FLT4: variants seen among roughly 807,000 people sequenced by gnomAD.
FLT4 encodes vascular endothelial growth factor receptor 3.
FLT4 carries 30 observed loss-of-function variants against 163.2 expected under a neutral mutation model. That is an observed-to-expected ratio of 0.18 (90% CI 0.14 to 0.25). FLT4 has a LOEUF of 0.25. Among genes scored for constraint, FLT4 ranks in the 10% least tolerant of loss-of-function variants. The pLI is 1.00. For missense variants in FLT4, 1,510 were observed against 1,863.8 expected, an observed-to-expected ratio of 0.81 and a Z score of 3.50; for synonymous variants, 884 against 789.5, an observed-to-expected ratio of 1.12 and a Z score of -2.01.
At chr5:180,622,276 G>A (rs1438471932) in intron 12 of FLT4, among the ~76,000 whole-genome samples, 1 of 125,324 alleles carries the variant, frequency 8.0e-6, no homozygotes, top group Non-Finnish European at 1.7e-5. Context: ...CTCTGCTGGT[G>A]CCCTGATCTA....
In FLT4 at chr5:180,611,253, G is replaced by A. The variant is rs536858606; in HGVS notation, c.3686+78C>T. On this transcript the variant is annotated intron_variant, in intron 27 of 29. Transcript: ENST00000261937. ...GACGTCGCATGATTTGCTTTTCCCC[G>A]ATGACGCAGAGGGATAAAATGCACC... The A allele has an allele frequency of 8.2e-5, 118 of 1,436,520 alleles. No homozygotes were observed. In the African/African-American group the frequency reaches 1.4e-3, roughly 17 times the overall value. 89.0% of individuals were successfully genotyped at this position (1,436,520 alleles called of 1,614,324 possible). A position where few individuals can be genotyped will look rare whatever the true frequency, so the allele number is the denominator to read the frequency against.
At position 180,621,156 on chromosome 5, in the gene FLT4, G is replaced by T. The variant is rs747033940; in HGVS notation, c.2117C>A (p.Ala706Glu). 2.5e-6 allele frequency: 4 copies of T among 1,612,704 alleles called. No individual in the cohort carries two copies. The highest frequency in any genetic ancestry group is 2.2e-5 in the South Asian group (2 of 91,088). Residue 706 changes from alanine (A) to glutamate (E), a missense_variant, in exon 14 of 30, where the codon GCG (alanine) becomes GAG (glutamate). Around this residue, in one of 5 missense-constraint regions of FLT4, gnomAD observed 878 missense variants for 1,016.7 expected, o/e 0.86. Transcript: ENST00000261937. Reference protein sequence around the residue: ...EMQCLVAGAHAPSIVWYKDER... With the variant: ...EMQCLVAGAHEPSIVWYKDER... ...GTCTTTGTACCACACGATGCTGGGC[G>T]CGTGCGCTCCGGCCACCAAGCACTG... is the stretch of plus-strand genomic sequence containing the variant.
chr5:180,620,532 T>C lies in FLT4; in HGVS notation c.2406+77A>G. ...TGCCAGGTGAACTAGGGCGGGCACC[T>C]TATTCTTTATCTTAGGGGCGGCCAG... On this transcript the variant is annotated intron_variant, in intron 16 of 29. Coordinates refer to ENST00000261937, the MANE Select transcript of FLT4 (RefSeq NM_182925.5). The surrounding 1 kb of genome is among the most constrained non-coding windows in gnomAD (Gnocchi z 4.4). 1.5e-6 allele frequency: 2 copies of C among 1,296,578 alleles called. No individual in the cohort carries two copies. Among genetic ancestry groups the C allele is most frequent in the East Asian group, 2.4e-5 (1 of 42,316 alleles). 80.3% of individuals were successfully genotyped at this position (1,296,578 alleles called of 1,614,324 possible). A position where few individuals can be genotyped will look rare whatever the true frequency, so the allele number is the denominator to read the frequency against.
At chr5:180,606,076 C>T (rs935634899) in intron 29 of FLT4, among the ~76,000 whole-genome samples, 2 of 152,238 alleles carry the variant, frequency 1.3e-5, no homozygotes, top group African/African-American at 4.8e-5. Context: ...ATGCACCCGC[C>T]AGAGACCTGT....
intron 1 of FLT4, among the ~76,000 whole-genome samples, chr5:180,640,137 G>A (rs1764995475): frequency 6.6e-6 from 1 of 152,200 alleles, no homozygotes; most frequent in Non-Finnish European, 1.5e-5. Flanking sequence ...GGGCAGTGCT[G>A]GCACCCCTCC....
Position 180,614,530 on chromosome 5 carries a change from T to C in FLT4, c.3220-351A>G, listed in dbSNP as rs566297798. Among the ~76,000 whole-genome samples the C allele has an allele frequency of 9.9e-4, 150 of 152,060 alleles. 1 individual carries two copies. The highest frequency in any genetic ancestry group is 3.4e-3 in the African/African-American group (143 of 41,474). Reference sequence around the variant, plus strand: ...TGATGAAACGCACCCCTGCACACTCTCACCATCTCCCCTGACAAGCACGCT... The same window carrying C: ...TGATGAAACGCACCCCTGCACACTCCCACCATCTCCCCTGACAAGCACGCT... On this transcript the variant is annotated intron_variant, in intron 23 of 29. Coordinates refer to ENST00000261937, the MANE Select transcript of FLT4 (RefSeq NM_182925.5).
chr5:180,624,549 C>T (rs1189176619), intron 10 of FLT4, among the ~76,000 whole-genome samples: 1 of 152,156 alleles, frequency 6.6e-6, no homozygotes, highest in Non-Finnish European at 1.5e-5. Context: ...CTCTGTCTCC[C>T]ACCCTTCAGG....
chr5:180,629,581 G>C (rs78894531), intron 6 of FLT4, 115 bp downstream of exon 6: 69,110 of 1,459,080 alleles, frequency 0.047, 1,831 homozygotes, highest in Admixed American at 0.085. Flanking sequence ...CACTCAGACC[G>C]GGGCCCCTGG....
Position 180,616,427 on chromosome 5 carries a change from G to A in FLT4, c.3159C>T (p.Ile1053=), listed in dbSNP as rs1479823778. The change falls in exon 23 of 30, where the codon ATC becomes ATT. Residue 1053 remains isoleucine (I), a synonymous_variant. Coordinates refer to ENST00000261937, the MANE Select transcript of FLT4 (RefSeq NM_182925.5). ...ILLSESDVVK[I]CDFGLARDIY... ...TGTCCCGGGCAAGGCCAAAGTCACA[G>A]ATCTTCACCACGTCGCTTTCCGACA... The A allele has an allele frequency of 1.2e-6, 2 of 1,613,918 alleles. No individual in the cohort carries two copies. Among genetic ancestry groups the A allele is most frequent in the African/African-American group, 2.7e-5 (2 of 74,944 alleles).
At position 180,625,966 on chromosome 5, in the gene FLT4, C is replaced by A. The variant is rs1203012909; in HGVS notation, c.1324G>T (p.Ala442Ser). Residue 442 changes from alanine (A) to serine (S), a missense_variant, in exon 10 of 30, where the codon GCC (alanine) becomes TCC (serine). Ala to Ser is a moderately conservative substitution (Grantham distance 99). Transcript: ENST00000261937. ...ACCCCGTAGGCCGTGCAGGTGAGGG[C>A]CTGGCGGCTGTGACGCGAGTAGATG... Reference protein sequence around the residue: ...PSIYSRHSRQALTCTAYGVPL... With the variant: ...PSIYSRHSRQSLTCTAYGVPL... The A allele has an allele frequency of 1.2e-6, 2 of 1,612,792 alleles. No individual in the cohort carries two copies. Among genetic ancestry groups the A allele is most frequent in the African/African-American group, 1.3e-5 (1 of 75,042 alleles).
At chr5:180,608,471 C>T (rs115255997) in intron 29 of FLT4, among the ~76,000 whole-genome samples, 3,799 of 152,262 alleles carry the variant, frequency 0.025, 169 homozygotes, top group African/African-American at 0.086. Flanking sequence ...CAGCTGTTTT[C>T]TCTTTATCTC....
intron 27 of FLT4, among the ~76,000 whole-genome samples, chr5:180,610,961 G>A (rs867001688): frequency 6.2e-4 from 94 of 152,354 alleles, no homozygotes; most frequent in African/African-American, 2.1e-3. Context: ...GGAGGCTGAG[G>A]CAGGAGAATG....
Position 180,614,140 on chromosome 5 carries a change from A to C in FLT4, c.3259T>G (p.Phe1087Val). The C allele has an allele frequency of 6.2e-7, 1 of 1,614,034 alleles. No homozygotes were observed. Among genetic ancestry groups the C allele is most frequent in the Non-Finnish European group, 8.5e-7 (1 of 1,179,944 alleles). ...CTCTGCGTGGTGTACACCTTGTCGA[A>C]GATGCTTTCAGGGGCCATCCACTTC... ...PLKWMAPESI[F>V]DKVYTTQSDV... The change falls in exon 24 of 30, where the codon TTC becomes GTC. Residue 1087 changes from phenylalanine to valine, a missense_variant. Phe to Val is a conservative substitution (Grantham distance 50, BLOSUM62 -1). Coordinates refer to ENST00000261937, the MANE Select transcript of FLT4 (RefSeq NM_182925.5).
intron 18 of FLT4, 75 bp from the exon 19 acceptor site, chr5:180,619,441 A>AG: frequency 1.7e-6 from 2 of 1,205,808 alleles, no homozygotes; most frequent in Admixed American, 1.7e-5. Flanking sequence ...CGCTTTTGGG[A>AG]GGGGGAGGGT....
intron 28 of FLT4, chr5:180,609,484 GGGA>G: frequency 5.6e-6 from 2 of 356,842 alleles, no homozygotes; most frequent in Non-Finnish European, 1.1e-5. Flanking sequence ...TGAATTACAC[GGGA>G]GGGAAACTGC....
At chr5:180,622,669 G>A in intron 12 of FLT4, 62 bp downstream of exon 12, 1 of 1,020,510 alleles carries the variant, frequency 9.8e-7, no homozygotes, top group Admixed American at 1.7e-5. Context: ...AACTCAATGA[G>A]CCCAAACCTG....
In FLT4 at chr5:180,612,534, C is replaced by A; in HGVS notation, c.3509G>T (p.Gly1170Val). 1 of 1,613,688 alleles carries A rather than the reference C, an allele frequency of 6.2e-7. No individual in the cohort carries two copies. Among genetic ancestry groups the A allele is most frequent in the Non-Finnish European group, 8.5e-7 (1 of 1,179,632 alleles). The change falls in exon 26 of 30, where the codon GGG becomes GTG. Residue 1170 changes from glycine to valine, a missense_variant. Gly to Val is a moderately radical substitution (Grantham distance 109). Around this residue, in one of 5 missense-constraint regions of FLT4, gnomAD observed 295 missense variants for 311.0 expected, o/e 0.95. Coordinates refer to ENST00000261937, the MANE Select transcript of FLT4 (RefSeq NM_182925.5). ...PAFSELVEIL[G>V]DLLQGRGLQE... ...CAGGCCCCTGCCCTGGAGCAGGTCCCCCAGGATCTCCACCAGCTCCGAGAA... is the reference window on the plus strand; with the variant it reads ...CAGGCCCCTGCCCTGGAGCAGGTCCACCAGGATCTCCACCAGCTCCGAGAA...
intron 11 of FLT4, 90 bp from the exon 12 acceptor site, chr5:180,622,929 C>G (rs575781385): frequency 9.3e-6 from 7 of 751,540 alleles, no homozygotes; most frequent in Admixed American, 8.5e-5. Context: ...CTGTGCACCA[C>G]CCCCCCCAAT....
chr5:180,618,625 C>T, intron 21 of FLT4, 145 bp downstream of exon 21: 2 of 825,268 alleles, frequency 2.4e-6, no homozygotes, highest in Non-Finnish European at 1.9e-6. Context: ...AAATTGTCCC[C>T]GAGGTGTCTT....
Sources: allele counts gnomAD v4.1 joint callset (sites outside exome capture counted in the v4.1 genomes callset), GRCh38; gene constraint gnomAD v4.1.1; regional missense constraint gnomAD v4.1.1; non-coding constraint Gnocchi (gnomAD v3.1); transcripts MANE v1.5; gene names NCBI Gene and HGNC (gene_info 2026-07-23, HGNC 2026-07-21).